The following MME variants were observed in gnomAD, a reference collection of about 807,000 sequenced individuals.
The protein encoded by MME is neprilysin.
Under a neutral mutation model 113.2 loss-of-function variants are expected in MME, and 98 were observed. That is an observed-to-expected ratio of 0.87 (90% confidence interval 0.74 to 1.02). The LOEUF is 1.02. MME is among the 50% of genes least tolerant of loss of function. MME has a pLI of 0.00. For synonymous variants in MME, 292 were observed against 300.6 expected, an observed-to-expected ratio of 0.97 and a Z score of 0.30; for missense variants, 836 against 896.0, an observed-to-expected ratio of 0.93 and a Z score of 0.86.
intron 18 of MME, among the ~76,000 whole-genome samples, chr3:155,168,239 G>A (rs773018469): frequency 7.9e-5 from 12 of 152,086 alleles, no homozygotes; most frequent in African/African-American, 1.7e-4. Flanking sequence ...TTTGTCTGGC[G>A]GCCTCTTCTG....
At chr3:155,146,016 C>G (rs187596753) in intron 14 of MME, among the ~76,000 whole-genome samples, 3 of 151,858 alleles carry the variant, frequency 2.0e-5, no homozygotes, top group Admixed American at 2.0e-4. Context: ...AACCATGTAA[C>G]TCAGAGATAC....
At chr3:155,167,549 G>A (rs1234403531) in intron 18 of MME, among the ~76,000 whole-genome samples, 1 of 151,930 alleles carries the variant, frequency 6.6e-6, no homozygotes, top group East Asian at 1.9e-4. Context: ...TTCAATCAAA[G>A]CTGAATTCCT....
intron 1 of MME, among the ~76,000 whole-genome samples, chr3:155,039,805 A>G (rs1423213783): frequency 1.1e-4 from 16 of 152,174 alleles, no homozygotes; most frequent in Non-Finnish European, 2.4e-4. Flanking sequence ...TTTTCTTCCC[A>G]GTTTCATTAA....
chr3:155,067,739 C>T (rs1453963889), intron 1 of MME, among the ~76,000 whole-genome samples: 1 of 152,154 alleles, frequency 6.6e-6, no homozygotes, highest in Non-Finnish European at 1.5e-5. Flanking sequence ...AATACACCAT[C>T]ATACACCAAT....
chr3:155,113,594 T>C (rs947620486), intron 3 of MME, among the ~76,000 whole-genome samples: 1 of 152,206 alleles, frequency 6.6e-6, no homozygotes, highest in Admixed American at 6.5e-5. Flanking sequence ...CTGACATTTT[T>C]CAGCAAGGTT....
intron 3 of MME, among the ~76,000 whole-genome samples, chr3:155,111,855 TAAAAG>T (rs1362612233): frequency 6.6e-6 from 1 of 152,166 alleles, no homozygotes; most frequent in Non-Finnish European, 1.5e-5. Flanking sequence ...TTAAGTATCT[TAAAAG>T]AGAAGAGTTA....
At chr3:155,058,026 C>T (rs945491630) in intron 1 of MME, among the ~76,000 whole-genome samples, 1 of 152,086 alleles carries the variant, frequency 6.6e-6, no homozygotes, top group African/African-American at 2.4e-5. Flanking sequence ...CCAGAAAGCA[C>T]AGGACAAGTT....
At chr3:155,092,912 T>A (rs1015246255) in intron 3 of MME, among the ~76,000 whole-genome samples, 28 of 152,168 alleles carry the variant, frequency 1.8e-4, no homozygotes, top group African/African-American at 6.3e-4. Flanking sequence ...TGTTCTAAAA[T>A]TGGACTGTGA....
At chr3:155,161,247 C>G (rs1283292470) in intron 17 of MME, among the ~76,000 whole-genome samples, 1 of 151,970 alleles carries the variant, frequency 6.6e-6, no homozygotes, top group Non-Finnish European at 1.5e-5. Flanking sequence ...AGGTACTCAA[C>G]TGATTCAGTA....
At chr3:155,063,714 T>A (rs931321604) in intron 1 of MME, among the ~76,000 whole-genome samples, 20 of 134,778 alleles carry the variant, frequency 1.5e-4, no homozygotes, top group Non-Finnish European at 1.5e-4. Context: ...TATATTATAT[T>A]ATATATACCA....
chr3:155,169,445 A>G (rs2108368522), intron 20 of MME, among the ~76,000 whole-genome samples: 1 of 152,294 alleles, frequency 6.6e-6, no homozygotes, highest in Admixed American at 6.5e-5. Flanking sequence ...GTATTCAAAG[A>G]GCTGGAGATA....
At chr3:155,116,363 G>GT (rs906048897) in intron 4 of MME, 116 bp from the exon 5 acceptor site, 465 of 801,482 alleles carry the variant, frequency 5.8e-4, no homozygotes, top group East Asian at 7.5e-4. Context: ...GAAAAGCAAG[G>GT]TTTTTTTTTA....
chr3:155,151,100 A>C (rs537822377), intron 16 of MME, among the ~76,000 whole-genome samples: 1 of 152,042 alleles, frequency 6.6e-6, no homozygotes, highest in East Asian at 1.9e-4. Flanking sequence ...TAAAGTCATT[A>C]CTCTTTTTTC....
At chr3:155,061,699 TTGCC>T in intron 1 of MME, among the ~76,000 whole-genome samples, 1 of 150,690 alleles carries the variant, frequency 6.6e-6, no homozygotes. Flanking sequence ...TCTTGCTCTG[TTGCC>T]GAGGCTGGAG....
intron 1 of MME, among the ~76,000 whole-genome samples, chr3:155,063,667 T>A (rs1459640700): frequency 2.2e-5 from 2 of 90,262 alleles, no homozygotes; most frequent in Admixed American, 1.5e-4. Flanking sequence ...TATAACATAT[T>A]ATATATTATA....
chr3:155,056,710 G>A (rs112724624), intron 1 of MME, among the ~76,000 whole-genome samples: 6,606 of 152,070 alleles, frequency 0.043, 156 homozygotes, highest in African/African-American at 0.052. Context: ...GGATGGCTGG[G>A]TCAAATGGTA....
chr3:155,086,940 G>A (rs913425744), intron 3 of MME, among the ~76,000 whole-genome samples: 1 of 151,918 alleles, frequency 6.6e-6, no homozygotes, highest in African/African-American at 2.4e-5. Context: ...GAGTAGCTGG[G>A]ACTATAGGCA....
intron 22 of MME, among the ~76,000 whole-genome samples, chr3:155,176,097 G>A (rs140679932): frequency 1.3e-5 from 2 of 152,122 alleles, no homozygotes; most frequent in Non-Finnish European, 2.9e-5. Context: ...CCTGAATGAA[G>A]GCAGTTAACT....
At chr3:155,076,582 T>G (rs1714757380), upstream of MME, among the ~76,000 whole-genome samples, 1 of 152,220 alleles carries the variant, frequency 6.6e-6, no homozygotes, top group African/African-American at 2.4e-5. Flanking sequence ...AAGAAAGAAT[T>G]CAGAATGAAT....
Sources: allele counts gnomAD v4.1 joint callset (sites outside exome capture counted in the v4.1 genomes callset), GRCh38; gene constraint gnomAD v4.1.1; transcripts MANE v1.5; gene names NCBI Gene and HGNC (gene_info 2026-07-23, HGNC 2026-07-21).